Variants in PTBP3 observed in about 807,000 individuals in gnomAD.
PTBP3 encodes the protein polypyrimidine tract binding protein 3.
In PTBP3, 20 loss-of-function variants were observed where a neutral mutation model predicts 58.7. The ratio of observed to expected loss-of-function variants is 0.34; its 90% CI spans 0.24 to 0.50. PTBP3 has a LOEUF of 0.50. Ranked by LOEUF, PTBP3 falls within the 20% of genes least tolerant of loss-of-function variation. The pLI is 0.98. For missense variants in PTBP3, 509 were observed against 637.2 expected (o/e 0.80, Z 2.17); for synonymous variants, 185 against 219.8 (o/e 0.84, Z 1.40).
At chr9:112,258,484 T>G (rs534235831) in intron 5 of PTBP3, among the ~76,000 whole-genome samples, 10 of 152,306 alleles carry the variant, frequency 6.6e-5, no homozygotes, top group Admixed American at 5.9e-4. Context: ...ATAGGTATTC[T>G]TAAGTTAACA....
chr9:112,370,903 T>C, the PTBP3 span, among the ~76,000 whole-genome samples: 1 of 152,206 alleles, frequency 6.6e-6, no homozygotes, highest in African/African-American at 2.4e-5. Context: ...ATGAAATTTA[T>C]TAATTTCCTT....
the PTBP3 span, among the ~76,000 whole-genome samples, chr9:112,343,162 G>A: frequency 6.6e-6 from 1 of 151,890 alleles, no homozygotes; most frequent in Non-Finnish European, 1.5e-5. Context: ...CACGCAAAAT[G>A]TTAACATTAG....
chr9:112,360,274 C>T, the PTBP3 span, among the ~76,000 whole-genome samples: 1 of 152,082 alleles, frequency 6.6e-6, no homozygotes, highest in Non-Finnish European at 1.5e-5. Context: ...GCCTAAAACT[C>T]CTGGGCTCAA....
chr9:112,320,316 T>TATATATATATATATA (rs61624494), intron 1 of PTBP3, among the ~76,000 whole-genome samples: 5 of 31,576 alleles, frequency 1.6e-4, no homozygotes, highest in African/African-American at 6.1e-4. Flanking sequence ...ATATATATAT[T>TATATATATATATATA]TTTTTTTAAG....
chr9:112,225,280 C>T (rs1045120261), intron 12 of PTBP3, among the ~76,000 whole-genome samples: 7 of 152,038 alleles, frequency 4.6e-5, no homozygotes, highest in African/African-American at 1.7e-4. Context: ...TTGTATATCA[C>T]TTTGAGTAAA....
the PTBP3 span, among the ~76,000 whole-genome samples, chr9:112,344,333 G>A: frequency 1.3e-5 from 2 of 152,024 alleles, no homozygotes; most frequent in Admixed American, 1.3e-4. Flanking sequence ...GGTCATTAGG[G>A]GGAATTAATG....
At chr9:112,322,458 C>T (rs958001021) in intron 1 of PTBP3, among the ~76,000 whole-genome samples, 1 of 152,174 alleles carries the variant, frequency 6.6e-6, no homozygotes, top group Non-Finnish European at 1.5e-5. Context: ...CTCCCCAACA[C>T]CTTACCACAT....
At chr9:112,306,212 T>C (rs1829199076) in intron 1 of PTBP3, among the ~76,000 whole-genome samples, 1 of 152,086 alleles carries the variant, frequency 6.6e-6, no homozygotes, top group African/African-American at 2.4e-5. Context: ...TCGCCCAGGC[T>C]GAAGTGCAGT....
chr9:112,252,816 T>G, intron 5 of PTBP3, 28 bp from the exon 6 acceptor site: 2 of 1,304,370 alleles, frequency 1.5e-6, no homozygotes, highest in Non-Finnish European at 2.2e-6. Flanking sequence ...TTAGGTTAAA[T>G]GTAAAAGAAA....
At chr9:112,333,758 C>T, upstream of PTBP3, 1 of 302,492 alleles carries the variant, frequency 3.3e-6, no homozygotes, top group Non-Finnish European at 6.0e-6. Context: ...CCTGCGCTCG[C>T]GCCCACCCTC....
intron 8 of PTBP3, among the ~76,000 whole-genome samples, 167 bp downstream of exon 8, chr9:112,234,653 A>G (rs953490596): frequency 5.9e-5 from 9 of 152,254 alleles, no homozygotes; most frequent in African/African-American, 2.2e-4. Context: ...TAATTTGTAA[A>G]TAACAAGGAA....
intron 4 of PTBP3, among the ~76,000 whole-genome samples, chr9:112,264,600 G>C (rs1294984105): frequency 6.6e-6 from 1 of 152,180 alleles, no homozygotes; most frequent in Non-Finnish European, 1.5e-5. Context: ...AGAATAAAAA[G>C]ATACTACAGT....
chr9:112,372,217 C>T, the PTBP3 span, among the ~76,000 whole-genome samples: 23,287 of 152,004 alleles, frequency 0.15, 2,210 homozygotes, highest in East Asian at 0.24. Flanking sequence ...CCTGGAACTA[C>T]AGGCACATGT....
chr9:112,342,107 C>T, the PTBP3 span, among the ~76,000 whole-genome samples: 1 of 152,170 alleles, frequency 6.6e-6, no homozygotes, highest in South Asian at 2.1e-4. Flanking sequence ...CAAGTTTTCT[C>T]TCTTCTGGAG....
chr9:112,253,864 C>G (rs192519741), intron 5 of PTBP3, among the ~76,000 whole-genome samples: 30 of 152,260 alleles, frequency 2.0e-4, no homozygotes, highest in Non-Finnish European at 1.3e-4. Flanking sequence ...AACTGTGAGT[C>G]AATTAAACCT....
the PTBP3 span, among the ~76,000 whole-genome samples, chr9:112,352,055 C>A: frequency 6.6e-6 from 1 of 151,726 alleles, no homozygotes; most frequent in Non-Finnish European, 1.5e-5. Flanking sequence ...GTAGCTGGGA[C>A]TACAGGCAGC....
chr9:112,232,021 AAAGAAAAGAAAG>A (rs1835258636), intron 9 of PTBP3, 66 bp downstream of exon 9: 2 of 302,424 alleles, frequency 6.6e-6, no homozygotes, highest in African/African-American at 2.5e-4. Flanking sequence ...GAAGAGAAGA[AAAGAAAAGAAAG>A]AAAGAAAAAA....
At chr9:112,244,990 A>C (rs1835820755) in intron 7 of PTBP3, among the ~76,000 whole-genome samples, 1 of 152,192 alleles carries the variant, frequency 6.6e-6, no homozygotes. Flanking sequence ...CCATTGTAGC[A>C]ATGCCCAGAA....
At position 112,223,357 on chromosome 9, in the gene PTBP3, C is replaced by G. The variant is rs967344969; in HGVS notation, c.*494G>C. ...CAATATATGGCAAAGATCTGATGTA[C>G]TTTATATGTGAATATAATTTCCTAC... On this transcript the variant is annotated 3_prime_UTR_variant, in exon 14 of 14. Transcript: ENST00000374257. The G allele has an allele frequency of 1.1e-5, 11 of 972,922 alleles. No individual in the cohort carries two copies. In the East Asian group the frequency reaches 1.1e-3, roughly 101 times the overall value. 60.3% of individuals were successfully genotyped at this position (972,922 alleles called of 1,614,324 possible). A position where few individuals can be genotyped will look rare whatever the true frequency, so the allele number is the denominator to read the frequency against.
Sources: allele counts gnomAD v4.1 joint callset (sites outside exome capture counted in the v4.1 genomes callset), GRCh38; gene constraint gnomAD v4.1.1; transcripts MANE v1.5; gene names NCBI Gene and HGNC (gene_info 2026-07-23, HGNC 2026-07-21).